The following ZNF605 variants were observed in gnomAD, a reference collection of about 807,000 sequenced individuals.
ZNF605 encodes zinc finger protein 605.
Under a neutral mutation model 7.9 loss-of-function variants are expected in ZNF605, and 9 were observed. The observed-to-expected ratio is 1.14, with a 90% CI of 0.68 to 1.98. The LOEUF is 1.98. Ranked by LOEUF, ZNF605 falls within the 30% of genes most tolerant of loss-of-function variation. The pLI, the probability that ZNF605 is intolerant of heterozygous loss-of-function variation, is 0.00. For missense variants in ZNF605, 673 were observed against 762.4 expected, an observed-to-expected ratio of 0.88 and a Z score of 1.38; for synonymous variants, 255 against 260.1, an observed-to-expected ratio of 0.98 and a Z score of 0.19.
intron 4 of ZNF605, among the ~76,000 whole-genome samples, chr12:132,929,030 AAAACAAAACAAAAC>A (rs1952276536): frequency 2.1e-4 from 3 of 14,404 alleles, no homozygotes; most frequent in Non-Finnish European, 9.3e-4. Flanking sequence ...AAAACAAAAC[AAAACAAAACAAAAC>A]AAAAAAACCC....
chr12:132,945,694 G>A lies in ZNF605; in HGVS notation c.-59C>T. On this transcript the variant is annotated 5_prime_UTR_variant, in exon 3 of 5. Transcript: ENST00000360187. ...GACTTCTCTTAGTCCTGACACCCTG[G>A]AGTGGCCTCTGGTCAGTGGTCTGTA... is the stretch of plus-strand genomic sequence containing the variant. 5 of 1,614,016 alleles carry A rather than the reference G, an allele frequency of 3.1e-6. No homozygotes were observed. The highest frequency in any genetic ancestry group is 4.2e-6 in the Non-Finnish European group (5 of 1,179,834).
At chr12:132,934,277 CAAATAAAT>C (rs57470927) in intron 3 of ZNF605, among the ~76,000 whole-genome samples, 2 of 151,216 alleles carry the variant, frequency 1.3e-5, no homozygotes, top group African/African-American at 2.4e-5. Context: ...GACTCTGTCT[CAAATAAAT>C]AAATAAATAA....
intron 4 of ZNF605, among the ~76,000 whole-genome samples, chr12:132,929,455 G>A (rs966846805): frequency 4.6e-5 from 7 of 152,176 alleles, no homozygotes; most frequent in East Asian, 3.9e-4. Context: ...TCAGTGTTTC[G>A]GGCATAAACA....
intron 1 of ZNF605, among the ~76,000 whole-genome samples, chr12:132,953,763 GCAAA>G (rs1226905854): frequency 3.3e-5 from 5 of 151,844 alleles, no homozygotes; most frequent in African/African-American, 4.8e-5. Flanking sequence ...ACCGCAAATG[GCAAA>G]CAAACTCTTA....
chr12:132,936,455 TA>T (rs1952367674), intron 3 of ZNF605, among the ~76,000 whole-genome samples: 1 of 152,130 alleles, frequency 6.6e-6, no homozygotes, highest in Non-Finnish European at 1.5e-5. Context: ...AGTTTAAACA[TA>T]AAAGGACTCA....
At chr12:132,955,483 C>T (rs1952626777) in intron 1 of ZNF605, among the ~76,000 whole-genome samples, 1 of 152,184 alleles carries the variant, frequency 6.6e-6, no homozygotes, top group Non-Finnish European at 1.5e-5. Context: ...GCGACGGCAA[C>T]GTGGCAGGTC....
At chr12:132,943,034 AGGAGT>A (rs1952459391) in intron 3 of ZNF605, among the ~76,000 whole-genome samples, 1 of 152,122 alleles carries the variant, frequency 6.6e-6, no homozygotes, top group Non-Finnish European at 1.5e-5. Context: ...TAAAAAATCA[AGGAGT>A]GGAGTCAAGG....
intron 4 of ZNF605, 153 bp downstream of exon 4, chr12:132,932,882 T>C: frequency 7.3e-7 from 1 of 1,370,858 alleles, no homozygotes; most frequent in East Asian, 2.5e-5. Context: ...TGTTTTATTA[T>C]AAAGGCTGCA....
intron 1 of ZNF605, among the ~76,000 whole-genome samples, 165 bp downstream of exon 1, chr12:132,956,078 G>A (rs934348113): frequency 1.4e-5 from 2 of 142,028 alleles, no homozygotes; most frequent in Non-Finnish European, 3.1e-5. Flanking sequence ...CATGCGCCCA[G>A]GCCGGTCCGC....
In ZNF605 at chr12:132,941,249, C is replaced by T. The variant is rs1952437527; in HGVS notation, c.15+4372G>A. Among the ~76,000 whole-genome samples, 1 of 152,130 alleles carries T rather than the reference C, an allele frequency of 6.6e-6. No individual in the cohort carries two copies. Among genetic ancestry groups the T allele is most frequent in the African/African-American group, 2.4e-5 (1 of 41,442 alleles). On this transcript the variant is annotated intron_variant, in intron 3 of 4. Transcript: ENST00000360187. The surrounding 1 kb of genome is among the most constrained non-coding windows in gnomAD (Gnocchi z 5.1). ...AGACATGGCCTAGACCGAGCCTCCG[C>T]GTGTGCTGCTTCTGCTCTCAGAAGA... is the stretch of plus-strand genomic sequence containing the variant.
In ZNF605 at chr12:132,921,686, AT is replaced by A. The variant is rs1952206833; in HGVS notation, c.*3686del. 6.6e-6 allele frequency: 1 copy of A among 152,270 alleles called. No individual in the cohort carries two copies. The highest frequency in any genetic ancestry group is 1.5e-5 in the Non-Finnish European group (1 of 68,046). The allele number at this position is 152,270 out of a possible 1,614,324, so 9.4% of individuals were successfully genotyped here. ...GCATTGTCGGAAATAGAAAACATGT[AT>A]AAAAATCTTCGAAATGCAGGTTAAA... On this transcript the variant is annotated 3_prime_UTR_variant, in exon 5 of 5. Coordinates refer to ENST00000360187, the MANE Select transcript of ZNF605 (RefSeq NM_183238.4).
chr12:132,951,415 A>C (rs1208473216), intron 1 of ZNF605, among the ~76,000 whole-genome samples: 2 of 151,776 alleles, frequency 1.3e-5, no homozygotes, highest in African/African-American at 4.8e-5. Flanking sequence ...ACACACACTC[A>C]CAGACACGTA....
intron 2 of ZNF605, among the ~76,000 whole-genome samples, chr12:132,947,490 T>C (rs1387122075): frequency 6.6e-6 from 1 of 152,080 alleles, no homozygotes; most frequent in East Asian, 1.9e-4. Context: ...TTTTTGTATT[T>C]TTTGTAGAGA....
chr12:132,953,779 G>C (rs1952600358), intron 1 of ZNF605, among the ~76,000 whole-genome samples: 1 of 151,830 alleles, frequency 6.6e-6, no homozygotes, highest in Non-Finnish European at 1.5e-5. Flanking sequence ...AAACTCTTAG[G>C]CTCCCCAGGC....
Position 132,941,015 on chromosome 12 carries a change from T to C in ZNF605, c.15+4606A>G, listed in dbSNP as rs770989. On this transcript the variant is annotated intron_variant, in intron 3 of 4. Coordinates refer to ENST00000360187, the MANE Select transcript of ZNF605 (RefSeq NM_183238.4). This position sits in a 1 kb window ranked among gnomAD's most constrained non-coding sequence, Gnocchi z 5.1. ...ACATTTGGTTTTCTGTTCCTGAGGA[T>C]GAGACATTTAGATAAAAATCAGTTC... 0.88 allele frequency among the ~76,000 whole-genome samples: 134,132 copies of C among 151,992 alleles called. 59,863 individuals are homozygous for C. The highest frequency in any genetic ancestry group is 0.96 in the Middle Eastern group (283 of 294).
intron 3 of ZNF605, among the ~76,000 whole-genome samples, chr12:132,936,191 T>C (rs1952365034): frequency 6.6e-6 from 1 of 151,422 alleles, no homozygotes; most frequent in African/African-American, 2.4e-5. Flanking sequence ...GTACGAAAAA[T>C]AATCAGAAGA....
At position 132,928,592 on chromosome 12, in the gene ZNF605, AC is replaced by A. The variant is rs887900884; in HGVS notation, c.137-1431del. On this transcript the variant is annotated intron_variant, in intron 4 of 4. Coordinates refer to ENST00000360187, the MANE Select transcript of ZNF605 (RefSeq NM_183238.4). Reference sequence around the variant, plus strand: ...TACAATTGTTTGTGATTTCTACAAGACCATTTATTGCATATTTTAAAGGTTT... The same window carrying A: ...TACAATTGTTTGTGATTTCTACAAGACATTTATTGCATATTTTAAAGGTTT... Among the ~76,000 whole-genome samples, 414 of 152,304 alleles carry A rather than the reference AC, an allele frequency of 2.7e-3. 3 individuals carry two copies. Among genetic ancestry groups the A allele is most frequent in the African/African-American group, 9.5e-3 (396 of 41,564 alleles).
At chr12:132,935,095 C>T (rs74365281) in intron 3 of ZNF605, among the ~76,000 whole-genome samples, 4 of 152,122 alleles carry the variant, frequency 2.6e-5, no homozygotes, top group South Asian at 4.2e-4. Flanking sequence ...TAAAAGGGAA[C>T]GTGGAAACCT....
Position 132,945,657 on chromosome 12 carries a change from CT to C in ZNF605, c.-23del. 1 of 1,614,222 alleles carries C rather than the reference CT, an allele frequency of 6.2e-7. No individual in the cohort carries two copies. The stretch of plus-strand genomic sequence containing the variant: ...TCATTTTCCGCTGCTCTTGGGAAAT[CT>C]GCTGTTTTGTGACTTCTCTTAGTCC... On this transcript the variant is annotated 5_prime_UTR_variant, in exon 3 of 5. Transcript: ENST00000360187.
Sources: gnomAD v4.1 joint callset for allele counts (sites outside exome capture counted in the v4.1 genomes callset) on GRCh38, gnomAD v4.1.1 for gene constraint, Gnocchi (gnomAD v3.1) non-coding constraint, MANE v1.5 for transcripts, NCBI Gene and HGNC (gene_info 2026-07-23, HGNC 2026-07-21) for gene names.